MRE11: variants seen among roughly 807,000 people sequenced by gnomAD.
MRE11 encodes double-strand break repair protein MRE11.
In MRE11, 62 loss-of-function variants were observed where a neutral mutation model predicts 91.7. The ratio of observed to expected loss-of-function variants is 0.68; its 90% CI spans 0.55 to 0.84. MRE11 has a LOEUF of 0.84. Among genes scored for constraint, MRE11 ranks in the 40% least tolerant of loss-of-function variants. MRE11 has a pLI of 0.00. For synonymous variants in MRE11, 273 were observed against 271.4 expected (o/e 1.01, Z -0.06); for missense variants, 796 against 852.9 (o/e 0.93, Z 0.83).
rs897294475 is a variant in MRE11 at position 94,450,772 on chromosome 11, C to G, written c.1564-3334G>C. Among the ~76,000 whole-genome samples the G allele has an allele frequency of 3.3e-5, 5 of 151,926 alleles. No homozygotes were observed. The South Asian group carries it at 1.0e-3, about 32-fold the overall frequency. ...AAATGTAAATAAGTTAATTCTGTAT[C>G]CAAAAAGCTAGGAGAAACAAAATAA... On this transcript the variant is annotated intron_variant, in intron 14 of 19. Transcript: ENST00000323929.
chr11:94,464,198 G>A lies in MRE11; in HGVS notation c.1140C>T (p.Arg380=), dbSNP rs750272886. 1 of 1,613,940 alleles carries A rather than the reference G, an allele frequency of 6.2e-7. No homozygotes were observed. Among genetic ancestry groups the A allele is most frequent in the East Asian group, 2.2e-5 (1 of 44,812 alleles). Residue 380 remains arginine, a synonymous_variant, in exon 11 of 20, where the codon CGC becomes CGT. Coordinates refer to ENST00000323929, the MANE Select transcript of MRE11 (RefSeq NM_005591.4). Reference sequence around the variant, plus strand: ...CCCGATCCACAAATTTCTGGCTAAAGCGAAGAACACTGAAAGGTTCAAAAC... The same window carrying A: ...CCCGATCCACAAATTTCTGGCTAAAACGAAGAACACTGAAAGGTTCAAAAC... ...SGGFEPFSVL[R]FSQKFVDRVA...
Position 94,430,385 on chromosome 11 carries a change from T to C in MRE11, c.1995-399A>G, listed in dbSNP as rs368128489. On this transcript the variant is annotated intron_variant, in intron 18 of 19. Coordinates refer to ENST00000323929, the MANE Select transcript of MRE11 (RefSeq NM_005591.4). ...AGTACTTATCATGTACCAAAATGTA[T>C]ACATTACCATCTTCCACTTCTGAAA... Among the ~76,000 whole-genome samples, 305 of 152,314 alleles carry C rather than the reference T, an allele frequency of 2.0e-3. 2 individuals carry two copies. Among genetic ancestry groups the C allele is most frequent in the African/African-American group, 7.1e-3 (294 of 41,572 alleles).
chr11:94,439,893 G>A (rs1346207285), intron 16 of MRE11, among the ~76,000 whole-genome samples: 5 of 152,074 alleles, frequency 3.3e-5, no homozygotes, highest in South Asian at 4.2e-4. Context: ...TCACCCTTAC[G>A]CTACACAATC....
At chr11:94,428,069 A>T (rs1215637242) in intron 19 of MRE11, among the ~76,000 whole-genome samples, 2 of 152,240 alleles carry the variant, frequency 1.3e-5, no homozygotes, top group Non-Finnish European at 2.9e-5. Context: ...ACCAAAGAAG[A>T]ACCCAAATAG....
At chr11:94,497,340 G>C (rs1228247012), upstream of MRE11, 15 of 328,836 alleles carry the variant, frequency 4.6e-5, no homozygotes, top group Non-Finnish European at 7.1e-5. Context: ...GTAAGAAATT[G>C]AGATTCAGGA....
chr11:94,440,643 A>G (rs1302818218), intron 16 of MRE11, among the ~76,000 whole-genome samples: 1 of 152,100 alleles, frequency 6.6e-6, no homozygotes, highest in East Asian at 1.9e-4. Context: ...CAAAGTGAAA[A>G]CCCCGATGCA....
intron 3 of MRE11, 143 bp from the exon 4 acceptor site, chr11:94,486,227 G>A (rs1947140160): frequency 2.5e-6 from 2 of 793,358 alleles, no homozygotes; most frequent in South Asian, 3.7e-5. Flanking sequence ...TTTATTCAAA[G>A]GGACTTTCAA....
chr11:94,441,868 T>G (rs1945787744), intron 16 of MRE11, among the ~76,000 whole-genome samples: 1 of 149,546 alleles, frequency 6.7e-6, no homozygotes, highest in African/African-American at 2.5e-5. Context: ...TCCCAGCGAC[T>G]CGGGAGGCTA....
intron 10 of MRE11, among the ~76,000 whole-genome samples, chr11:94,467,052 T>C (rs541081337): frequency 6.6e-6 from 1 of 152,274 alleles, no homozygotes; most frequent in Admixed American, 6.5e-5. Flanking sequence ...GATTGAACAA[T>C]TAAAGGTCAT....
upstream of MRE11, among the ~76,000 whole-genome samples, chr11:94,495,305 T>C (rs1947398553): frequency 6.6e-6 from 1 of 152,188 alleles, no homozygotes; most frequent in African/African-American, 2.4e-5. Flanking sequence ...GACAAGACTT[T>C]AATTAAATGT....
chr11:94,455,727 T>C (rs909749159), intron 14 of MRE11, among the ~76,000 whole-genome samples: 1 of 152,186 alleles, frequency 6.6e-6, no homozygotes, highest in African/African-American at 2.4e-5. Context: ...TGGTTAACAT[T>C]GCTAACCAAA....
At chr11:94,421,967 T>C (rs1448801992) in intron 19 of MRE11, among the ~76,000 whole-genome samples, 1 of 152,202 alleles carries the variant, frequency 6.6e-6, no homozygotes, top group African/African-American at 2.4e-5. Context: ...GAAAAAGTGC[T>C]GAAGATCTGT....
At chr11:94,434,820 T>C (rs1945558400) in intron 18 of MRE11, among the ~76,000 whole-genome samples, 1 of 152,202 alleles carries the variant, frequency 6.6e-6, no homozygotes, top group African/African-American at 2.4e-5. Context: ...ATTTCTCTTT[T>C]CCACTATAAT....
At chr11:94,501,610 T>G in the MRE11 span, among the ~76,000 whole-genome samples, 1 of 152,122 alleles carries the variant, frequency 6.6e-6, no homozygotes, top group Non-Finnish European at 1.5e-5. Flanking sequence ...CTCAGCTATG[T>G]TTGTCTAATG....
chr11:94,484,234 T>C (rs1047018058), intron 4 of MRE11, among the ~76,000 whole-genome samples: 3 of 152,134 alleles, frequency 2.0e-5, no homozygotes, highest in Non-Finnish European at 4.4e-5. Flanking sequence ...TCTACTGATA[T>C]AGACAATTGA....
upstream of MRE11, among the ~76,000 whole-genome samples, chr11:94,495,003 T>G (rs561845495): frequency 1.3e-3 from 196 of 152,318 alleles, 1 homozygote; most frequent in African/African-American, 4.3e-3. Flanking sequence ...TGATTGGATA[T>G]CTCTGATTCC....
At chr11:94,439,094 T>A (rs572535062) in intron 16 of MRE11, among the ~76,000 whole-genome samples, 1 of 152,332 alleles carries the variant, frequency 6.6e-6, no homozygotes, top group South Asian at 2.1e-4. Context: ...TCTTTTCCAA[T>A]AAAATTGCAG....
chr11:94,435,280 C>T (rs756878012), intron 18 of MRE11, among the ~76,000 whole-genome samples: 46 of 152,144 alleles, frequency 3.0e-4, no homozygotes, highest in Middle Eastern at 3.2e-3. Flanking sequence ...TGAGGCCAAG[C>T]GCACTGGCTC....
Position 94,459,795 on chromosome 11 carries a change from T to C in MRE11, c.1327-214A>G, listed in dbSNP as rs142387999. Among the ~76,000 whole-genome samples, 5 of 152,278 alleles carry C rather than the reference T, an allele frequency of 3.3e-5. No homozygotes were observed. The East Asian group carries it at 9.6e-4, about 29-fold the overall frequency. On this transcript the variant is annotated intron_variant, in intron 12 of 19. Transcript: ENST00000323929. ...ACGTGAAATGTAGAGGCCTGATGGC[T>C]AGGATATGGAGTCCAAAAATGGCAG...
Sources: gnomAD v4.1 joint callset for allele counts (sites outside exome capture counted in the v4.1 genomes callset) on GRCh38, gnomAD v4.1.1 for gene constraint, MANE v1.5 for transcripts, NCBI Gene and HGNC (gene_info 2026-07-23, HGNC 2026-07-21) for gene names.